Variants in LRRN2 observed in about 807,000 individuals in gnomAD.
The protein encoded by LRRN2 is leucine rich repeat neuronal 2.
Under a neutral mutation model 35.7 loss-of-function variants are expected in LRRN2, and 10 were observed. That is an observed-to-expected ratio of 0.28 (90% CI 0.17 to 0.47). The LOEUF (loss-of-function observed/expected upper bound fraction) is 0.47. Among genes scored for constraint, LRRN2 ranks in the 20% least tolerant of loss-of-function variants. LRRN2 has a pLI of 0.99. For missense variants in LRRN2, 731 were observed against 940.3 expected (o/e 0.78, Z 2.91); for synonymous variants, 391 against 409.6 (o/e 0.95, Z 0.55).
chr1:204,641,586 C>A (rs1667977946), intron 1 of LRRN2, among the ~76,000 whole-genome samples: 1 of 152,174 alleles, frequency 6.6e-6, no homozygotes, highest in South Asian at 2.1e-4. Context: ...ACACAACAAC[C>A]CTACGAGAGT....
chr1:204,674,717 A>T (rs1427443744), intron 1 of LRRN2, among the ~76,000 whole-genome samples: 2 of 152,222 alleles, frequency 1.3e-5, no homozygotes, highest in African/African-American at 2.4e-5. Flanking sequence ...CACTCAGAGC[A>T]GGTGGCTGTG....
intron 1 of LRRN2, among the ~76,000 whole-genome samples, chr1:204,647,155 T>TAAAAAAAAAAAAAAAAA (rs11284966): frequency 7.0e-6 from 1 of 142,826 alleles, no homozygotes. Flanking sequence ...GCAAGGAGGT[T>TAAAAAAAAAAAAAAAAA]AAAAAAAAAA....
chr1:204,679,885 A>G lies in LRRN2; in HGVS notation c.-227+5435T>C, dbSNP rs541790849. 4.0e-4 allele frequency among the ~76,000 whole-genome samples: 61 copies of G among 152,358 alleles called. 2 individuals carry two copies. Among genetic ancestry groups the G allele is most frequent in the African/African-American group, 1.4e-3 (59 of 41,582 alleles). ...CACCCTGCAGGAGCAGGAGGAAAAA[A>G]AAGGTCACAGAGACCCTCTCTGAAG... On this transcript the variant is annotated intron_variant, in intron 1 of 1. Coordinates refer to ENST00000367177, the MANE Select transcript of LRRN2 (RefSeq NM_201630.2).
intron 1 of LRRN2, among the ~76,000 whole-genome samples, chr1:204,684,470 G>A (rs529438197): frequency 6.6e-6 from 1 of 152,126 alleles, no homozygotes; most frequent in African/African-American, 2.4e-5. Context: ...CCCAGGTTCC[G>A]GGTCTCCTGC....
chr1:204,673,648 G>A (rs753278809), intron 1 of LRRN2, among the ~76,000 whole-genome samples: 2 of 152,218 alleles, frequency 1.3e-5, no homozygotes, highest in Admixed American at 1.3e-4. Context: ...CAGGAAGACT[G>A]CAGCCACACA....
In LRRN2 at chr1:204,661,653, A is replaced by G. The variant is rs886875067; in HGVS notation, c.-227+23667T>C. 4.9e-4 allele frequency among the ~76,000 whole-genome samples: 74 copies of G among 152,214 alleles called. 1 individual carries two copies. Among genetic ancestry groups the G allele is most frequent in the African/African-American group, 1.4e-3 (59 of 41,466 alleles). ...CACACAGGGGCTTGAACATCTGCCC[A>G]GTTAGATGGCCTAAGCGCCATCCTG... On this transcript the variant is annotated intron_variant, in intron 1 of 1. Transcript: ENST00000367177.
intron 1 of LRRN2, chr1:204,628,829 C>T (rs568096264): frequency 6.6e-6 from 1 of 152,520 alleles, no homozygotes; most frequent in South Asian, 2.1e-4. Flanking sequence ...AACAACTCAG[C>T]ACCAGCTCCT....
In LRRN2 at chr1:204,619,602, G is replaced by A. The variant is rs148739326; in HGVS notation, c.391C>T (p.Arg131Trp). 9.3e-6 allele frequency: 15 copies of A among 1,614,170 alleles called. No homozygotes were observed. Among genetic ancestry groups the A allele is most frequent in the African/African-American group, 2.7e-5 (2 of 75,060 alleles). Reference protein sequence around the residue: ...SLHLEENQLTRLEDHSFAGLA... With the variant: ...SLHLEENQLTWLEDHSFAGLA... ...CCTGCAAAGCTGTGGTCCTCCAGCC[G>A]GGTCAGCTGGTTCTCCTCTAGGTGC... Residue 131 changes from arginine (R) to tryptophan (W), a missense_variant, in exon 2 of 2, where the codon CGG becomes TGG. Arg to Trp is a moderately radical substitution (Grantham distance 101, BLOSUM62 -3). Transcript: ENST00000367177.
intron 1 of LRRN2, among the ~76,000 whole-genome samples, chr1:204,632,404 G>A (rs1667727852): frequency 6.6e-6 from 1 of 152,060 alleles, no homozygotes; most frequent in South Asian, 2.1e-4. Context: ...GCCAAGGTGG[G>A]CAGATCACTT....
chr1:204,666,887 G>C (rs1448720538), intron 1 of LRRN2, among the ~76,000 whole-genome samples: 1 of 149,802 alleles, frequency 6.7e-6, no homozygotes, highest in South Asian at 2.1e-4. Flanking sequence ...GCTTGAACCT[G>C]GGAGGCAGAG....
At chr1:204,642,010 G>C (rs1388284015) in intron 1 of LRRN2, among the ~76,000 whole-genome samples, 2 of 152,204 alleles carry the variant, frequency 1.3e-5, no homozygotes, top group Non-Finnish European at 1.5e-5. Flanking sequence ...GAGTGCATGT[G>C]TGTGTTAGGG....
At chr1:204,624,753 CCA>C (rs1172338034) in intron 1 of LRRN2, among the ~76,000 whole-genome samples, 2,447 of 59,048 alleles carry the variant, frequency 0.041, 183 homozygotes, top group African/African-American at 0.081. Flanking sequence ...GGTTCCCCCC[CCA>C]CCCCCCCCCC....
At chr1:204,666,067 C>A (rs1668569012) in intron 1 of LRRN2, among the ~76,000 whole-genome samples, 1 of 152,172 alleles carries the variant, frequency 6.6e-6, no homozygotes, top group African/African-American at 2.4e-5. Flanking sequence ...GAGCAACCTG[C>A]AAATTCGATG....
At chr1:204,631,511 G>A (rs1291592309) in intron 1 of LRRN2, among the ~76,000 whole-genome samples, 1 of 150,994 alleles carries the variant, frequency 6.6e-6, no homozygotes, top group East Asian at 2.0e-4. Context: ...AACTAAACCA[G>A]TGTACCAGAG....
chr1:204,635,291 T>A (rs1273252602), intron 1 of LRRN2, among the ~76,000 whole-genome samples: 1 of 152,134 alleles, frequency 6.6e-6, no homozygotes, highest in Non-Finnish European at 1.5e-5. Context: ...TTCTCTGGGC[T>A]TATATATATT....
intron 1 of LRRN2, among the ~76,000 whole-genome samples, chr1:204,630,832 C>CCAT (rs1667673598): frequency 6.6e-6 from 1 of 152,066 alleles, no homozygotes. Context: ...CACTCCTTAC[C>CCAT]CATCTCCAAA....
chr1:204,644,055 T>C (rs1668044717), intron 1 of LRRN2, among the ~76,000 whole-genome samples: 1 of 152,154 alleles, frequency 6.6e-6, no homozygotes, highest in Non-Finnish European at 1.5e-5. Context: ...ACTCAATAAA[T>C]GGGTTCCCTT....
Position 204,685,673 on chromosome 1 carries a change from CG to C in LRRN2, c.-581del, listed in dbSNP as rs1210613819. On this transcript the variant is annotated 5_prime_UTR_variant, in exon 1 of 2. Coordinates refer to ENST00000367177, the MANE Select transcript of LRRN2 (RefSeq NM_201630.2). ...CTCGCGGCGCCCGGCACCCCCTCCA[CG>C]CGCGCCCCTCTTCCCGGCTTCGCGC... 1 of 152,184 alleles carries C rather than the reference CG, an allele frequency of 6.6e-6. No homozygotes were observed. Among genetic ancestry groups the C allele is most frequent in the African/African-American group, 2.4e-5 (1 of 41,424 alleles). 9.4% of individuals were successfully genotyped at this position (152,184 alleles called of 1,614,324 possible).
chr1:204,620,241 TAAG>T (rs1666780897), intron 1 of LRRN2, 23 bp from the exon 2 acceptor site: 1 of 1,420,300 alleles, frequency 7.0e-7, no homozygotes. Flanking sequence ...GATGCAGAGT[TAAG>T]GAGGTTGCAG....
Sources: allele counts gnomAD v4.1 joint callset (sites outside exome capture counted in the v4.1 genomes callset), GRCh38; gene constraint gnomAD v4.1.1; transcripts MANE v1.5; gene names NCBI Gene and HGNC (gene_info 2026-07-23, HGNC 2026-07-21).